Variants in ZNF804B observed in about 807,000 individuals in gnomAD.
The protein encoded by ZNF804B is zinc finger 804B.
Under a neutral mutation model 101.4 loss-of-function variants are expected in ZNF804B, and 80 were observed. The ratio of observed to expected loss-of-function variants is 0.79; its 90% CI spans 0.66 to 0.95. The LOEUF (loss-of-function observed/expected upper bound fraction) is 0.95. Ranked by LOEUF, ZNF804B falls within the 40% of genes least tolerant of loss-of-function variation. The pLI, the probability that ZNF804B is intolerant of heterozygous loss-of-function variation, is 0.00. For synonymous variants in ZNF804B, 622 were observed against 558.8 expected (o/e 1.11, Z -1.59); for missense variants, 1,673 against 1,561.9 (o/e 1.07, Z -1.20).
intron 1 of ZNF804B, among the ~76,000 whole-genome samples, chr7:88,986,156 A>G (rs1793757844): frequency 6.6e-6 from 1 of 152,116 alleles, no homozygotes; most frequent in African/African-American, 2.4e-5. Context: ...AGAATGACTA[A>G]TTATCTAAAT....
intron 1 of ZNF804B, among the ~76,000 whole-genome samples, chr7:89,064,579 G>A (rs1789426162): frequency 6.6e-6 from 1 of 152,072 alleles, no homozygotes; most frequent in South Asian, 2.1e-4. Context: ...TGAAAGTCTG[G>A]TCATACAACC....
At chr7:89,153,426 G>GATA (rs1257932886) in intron 1 of ZNF804B, among the ~76,000 whole-genome samples, 1,319 of 89,294 alleles carry the variant, frequency 0.015, 21 homozygotes, top group African/African-American at 0.05. Flanking sequence ...TGATGATGAT[G>GATA]ATGATAATAA....
At chr7:88,907,293 C>T (rs545681167) in intron 1 of ZNF804B, among the ~76,000 whole-genome samples, 1 of 152,048 alleles carries the variant, frequency 6.6e-6, no homozygotes, top group East Asian at 1.9e-4. Flanking sequence ...TCCAGTTCTT[C>T]ACTCTATGTT....
intron 1 of ZNF804B, among the ~76,000 whole-genome samples, chr7:89,047,893 CTTT>C (rs10569115): frequency 5.7e-4 from 86 of 150,676 alleles, no homozygotes; most frequent in Middle Eastern, 3.4e-3. Context: ...TGGCTAAATC[CTTT>C]TTTTTTTTTC....
chr7:88,761,961 A>G, intron 1 of ZNF804B, among the ~76,000 whole-genome samples: 1 of 152,162 alleles, frequency 6.6e-6, no homozygotes, highest in East Asian at 1.9e-4. Context: ...GGATGGGAGA[A>G]GACAGCCCAT....
intron 1 of ZNF804B, chr7:88,794,032 C>T (rs962636222): frequency 5.4e-6 from 3 of 560,258 alleles, no homozygotes; most frequent in African/African-American, 3.8e-5. Flanking sequence ...AAGTTTAGCT[C>T]AACATACTCT....
At chr7:88,939,735 C>A in intron 1 of ZNF804B, among the ~76,000 whole-genome samples, 1 of 150,094 alleles carries the variant, frequency 6.7e-6, no homozygotes. Flanking sequence ...AACGATAATC[C>A]AAATAAAGTT....
chr7:88,892,632 A>T (rs1792229971), intron 1 of ZNF804B, among the ~76,000 whole-genome samples: 1 of 152,150 alleles, frequency 6.6e-6, no homozygotes, highest in African/African-American at 2.4e-5. Flanking sequence ...AGGCAAATTC[A>T]CATCATTAAT....
chr7:89,214,447 C>T (rs13438433), intron 1 of ZNF804B, among the ~76,000 whole-genome samples: 1 of 152,044 alleles, frequency 6.6e-6, no homozygotes, highest in South Asian at 2.1e-4. Flanking sequence ...GAGAATAGGT[C>T]ATCATTTTTT....
At chr7:88,962,414 G>T (rs1793398601) in intron 1 of ZNF804B, among the ~76,000 whole-genome samples, 1 of 151,044 alleles carries the variant, frequency 6.6e-6, no homozygotes, top group South Asian at 2.1e-4. Context: ...GTTATGGGCA[G>T]TGTTCTGATT....
chr7:89,130,027 G>A (rs974061850), intron 1 of ZNF804B, among the ~76,000 whole-genome samples: 1 of 151,968 alleles, frequency 6.6e-6, no homozygotes, highest in Non-Finnish European at 1.5e-5. Flanking sequence ...TAAGGAAGAA[G>A]TTTAAAGTGA....
At chr7:89,197,718 A>AT (rs1455945088) in intron 1 of ZNF804B, among the ~76,000 whole-genome samples, 2 of 151,850 alleles carry the variant, frequency 1.3e-5, no homozygotes, top group Non-Finnish European at 1.5e-5. Context: ...GCACGCTTAG[A>AT]TTCTTGATTT....
At chr7:89,062,673 T>C (rs533734285) in intron 1 of ZNF804B, among the ~76,000 whole-genome samples, 1 of 152,200 alleles carries the variant, frequency 6.6e-6, no homozygotes, top group South Asian at 2.1e-4. Context: ...AGTCAGGGAA[T>C]TGACTGCTGA....
At chr7:88,782,102 CGTGTGTGTGT>C (rs72225764) in intron 1 of ZNF804B, among the ~76,000 whole-genome samples, 32 of 142,084 alleles carry the variant, frequency 2.3e-4, no homozygotes, top group African/African-American at 5.1e-4. Flanking sequence ...TGTGTGAGTG[CGTGTGTGTGT>C]GTGTGTGTGT....
At chr7:89,074,760 A>G (rs1478217139) in intron 1 of ZNF804B, among the ~76,000 whole-genome samples, 1 of 152,188 alleles carries the variant, frequency 6.6e-6, no homozygotes, top group African/African-American at 2.4e-5. Context: ...GAGGGCACAG[A>G]AGAAGACAGG....
rs149269214 is a variant in ZNF804B at position 88,794,878 on chromosome 7, A to G, written c.108+34794A>G. 1,427 of 1,612,506 alleles carry G rather than the reference A, an allele frequency of 8.8e-4. 2 individuals are homozygous for G. Among genetic ancestry groups the G allele is most frequent in the Non-Finnish European group, 1.1e-3 (1,306 of 1,179,466 alleles). ...GTAATTGCTACGTGGGACTTGGAGA[A>G]AAAGAAGAGGTTCCAGTGGCAAAGG... On this transcript the variant is annotated intron_variant, in intron 1 of 3. Coordinates refer to ENST00000333190, the MANE Select transcript of ZNF804B (RefSeq NM_181646.5).
At chr7:88,788,970 T>G (rs887706330) in intron 1 of ZNF804B, among the ~76,000 whole-genome samples, 1 of 152,170 alleles carries the variant, frequency 6.6e-6, no homozygotes, top group African/African-American at 2.4e-5. Flanking sequence ...GAAATTTATA[T>G]CTACTTATGC....
At chr7:88,929,454 AG>A in intron 1 of ZNF804B, among the ~76,000 whole-genome samples, 1 of 152,004 alleles carries the variant, frequency 6.6e-6, no homozygotes, top group Non-Finnish European at 1.5e-5. Flanking sequence ...ATTGATTATC[AG>A]CAAGTCTTTA....
At chr7:89,314,744 A>G (rs1340015010) in intron 2 of ZNF804B, among the ~76,000 whole-genome samples, 1 of 152,216 alleles carries the variant, frequency 6.6e-6, no homozygotes, top group African/African-American at 2.4e-5. Flanking sequence ...TGACAGAAAC[A>G]AAATATAAAC....
Sources: gnomAD v4.1 joint callset for allele counts (sites outside exome capture counted in the v4.1 genomes callset) on GRCh38, gnomAD v4.1.1 for gene constraint, MANE v1.5 for transcripts, NCBI Gene and HGNC (gene_info 2026-07-23, HGNC 2026-07-21) for gene names.